SHROOM3: variants seen among roughly 807,000 people sequenced by gnomAD.
SHROOM3 encodes the protein protein Shroom3.
A neutral mutation model predicts 138.6 loss-of-function variants in SHROOM3; 47 were observed. The observed-to-expected ratio is 0.34, with a 90% CI of 0.27 to 0.43. SHROOM3 has a LOEUF of 0.43. Ranked by LOEUF, SHROOM3 falls within the 20% of genes least tolerant of loss-of-function variation. SHROOM3 has a pLI of 1.00. For missense variants in SHROOM3, 2,491 were observed against 2,596.5 expected (o/e 0.96, Z 0.88); for synonymous variants, 1,062 against 1,063.3 (o/e 1.00, Z 0.02).
chr4:76,740,937 C>T lies in SHROOM3; in HGVS notation c.2764C>T (p.Arg922Cys), dbSNP rs759937093. Residue 922 changes from arginine (R) to cysteine (C), a missense_variant, in exon 5 of 11, where the codon CGC (arginine) becomes TGC (cysteine). Arg to Cys is a radical substitution (Grantham distance 180). This residue lies in a region of SHROOM3 where 1,733 missense variants were observed against 1,661.6 expected (regional missense o/e 1.04). Transcript: ENST00000296043. The surrounding 1 kb of genome is among the most constrained non-coding windows in gnomAD (Gnocchi z 4.0). ...ESPLLDAPFS[R>C]AYRNSIKDAQ... ...GCCCCTGCTGGATGCCCCCTTCAGC[C>T]GCGCCTACCGGAACAGCATCAAGGA... 11 of 1,496,212 alleles carry T rather than the reference C, an allele frequency of 7.4e-6. No individual in the cohort carries two copies. Among genetic ancestry groups the T allele is most frequent in the Non-Finnish European group, 9.8e-6 (11 of 1,125,806 alleles). The allele number at this position is 1,496,212 out of a possible 1,614,324, so 92.7% of individuals were successfully genotyped here. A position where few individuals can be genotyped will look rare whatever the true frequency, so the allele number is the denominator to read the frequency against.
intron 2 of SHROOM3, among the ~76,000 whole-genome samples, chr4:76,646,247 T>TATATAA (rs1355216659): frequency 1.4e-5 from 2 of 140,776 alleles, no homozygotes; most frequent in East Asian, 2.0e-4. Context: ...TATATATATA[T>TATATAA]AAAATTAAAA....
intron 1 of SHROOM3, among the ~76,000 whole-genome samples, chr4:76,531,276 T>TA (rs1732823375): frequency 6.6e-6 from 1 of 152,006 alleles, no homozygotes; most frequent in Non-Finnish European, 1.5e-5. Flanking sequence ...ACTCTCCAAA[T>TA]AAAAAAATAT....
chr4:76,495,047 G>A (rs986183044), intron 1 of SHROOM3, among the ~76,000 whole-genome samples: 3 of 152,228 alleles, frequency 2.0e-5, no homozygotes, highest in Non-Finnish European at 4.4e-5. Flanking sequence ...CCATCTGGGA[G>A]CTTACAAAAT....
At chr4:76,558,510 C>T (rs1733532975) in intron 2 of SHROOM3, among the ~76,000 whole-genome samples, 1 of 152,088 alleles carries the variant, frequency 6.6e-6, no homozygotes, top group African/African-American at 2.4e-5. Flanking sequence ...CTGGAGGCCC[C>T]CCCTTTCATT....
At chr4:76,637,783 A>AC (rs1266384981) in intron 2 of SHROOM3, 1 of 152,176 alleles carries the variant, frequency 6.6e-6, no homozygotes, top group Non-Finnish European at 1.5e-5. Flanking sequence ...CACCCTCATC[A>AC]CTAGGCCTGG....
rs939450391 is a variant in SHROOM3 at position 76,646,183 on chromosome 4, A to G, written c.324-63973A>G. The stretch of plus-strand genomic sequence containing the variant: ...ATGTATACATATGTAACAAACCTGC[A>G]TGTTGTGCACATGTACCCTAGAACT... On this transcript the variant is annotated intron_variant, in intron 2 of 10. Coordinates refer to ENST00000296043, the MANE Select transcript of SHROOM3 (RefSeq NM_020859.4). Among the ~76,000 whole-genome samples, 5 of 145,376 alleles carry G rather than the reference A, an allele frequency of 3.4e-5. 1 individual carries two copies. In the Admixed American group the frequency reaches 3.5e-4, roughly 10 times the overall value.
chr4:76,690,328 G>C (rs1407450568), intron 2 of SHROOM3, among the ~76,000 whole-genome samples: 1 of 152,168 alleles, frequency 6.6e-6, no homozygotes, highest in Non-Finnish European at 1.5e-5. Context: ...CTGGGGGTGG[G>C]ATGTATTTCT....
chr4:76,657,612 T>C (rs766270747), intron 2 of SHROOM3, among the ~76,000 whole-genome samples: 4 of 152,212 alleles, frequency 2.6e-5, no homozygotes, highest in Non-Finnish European at 5.9e-5. Flanking sequence ...TCCCAAATAG[T>C]GAGGGTGCTG....
At chr4:76,594,922 C>T (rs955856791) in intron 2 of SHROOM3, among the ~76,000 whole-genome samples, 1 of 152,146 alleles carries the variant, frequency 6.6e-6, no homozygotes, top group Non-Finnish European at 1.5e-5. Context: ...ATGAAGATAT[C>T]AAGATATGAA....
At chr4:76,469,200 CA>C (rs1017600748) in intron 1 of SHROOM3, among the ~76,000 whole-genome samples, 21 of 145,610 alleles carry the variant, frequency 1.4e-4, no homozygotes, top group African/African-American at 3.0e-4. Context: ...GACTCCATCT[CA>C]AAAAAAAAAG....
intron 2 of SHROOM3, among the ~76,000 whole-genome samples, chr4:76,661,299 C>T (rs1397501278): frequency 2.0e-5 from 3 of 151,642 alleles, no homozygotes; most frequent in East Asian, 1.9e-4. Context: ...GGCGCGATCT[C>T]GGCTCACACA....
intron 1 of SHROOM3, among the ~76,000 whole-genome samples, chr4:76,542,056 AG>A (rs1733116459): frequency 6.6e-6 from 1 of 152,072 alleles, no homozygotes; most frequent in Non-Finnish European, 1.5e-5. Context: ...GAGGAGGAGG[AG>A]GAGGATGGTG....
At chr4:76,723,985 G>T (rs762889338) in intron 3 of SHROOM3, among the ~76,000 whole-genome samples, 1 of 152,182 alleles carries the variant, frequency 6.6e-6, no homozygotes, top group Non-Finnish European at 1.5e-5. Flanking sequence ...ATTTAACAAG[G>T]TTGAAGGCAC....
intron 2 of SHROOM3, among the ~76,000 whole-genome samples, chr4:76,641,328 T>G (rs1735662215): frequency 6.6e-6 from 1 of 152,148 alleles, no homozygotes; most frequent in Non-Finnish European, 1.5e-5. Flanking sequence ...ATCTTCTCCC[T>G]GCTCATCCTC....
chr4:76,544,981 A>G (rs1210288966), intron 1 of SHROOM3, among the ~76,000 whole-genome samples: 1 of 152,178 alleles, frequency 6.6e-6, no homozygotes, highest in African/African-American at 2.4e-5. Flanking sequence ...CTAGATAGAG[A>G]ATGAGAATCC....
At chr4:76,514,325 A>G (rs1242196073) in intron 1 of SHROOM3, among the ~76,000 whole-genome samples, 1 of 152,222 alleles carries the variant, frequency 6.6e-6, no homozygotes, top group Non-Finnish European at 1.5e-5. Context: ...AGCCATAAAA[A>G]AGAATGATGT....
At chr4:76,567,144 T>C (rs1276872464) in intron 2 of SHROOM3, among the ~76,000 whole-genome samples, 23 of 152,250 alleles carry the variant, frequency 1.5e-4, no homozygotes. Context: ...AAATTATACA[T>C]GTGGGGACAG....
At chr4:76,700,780 T>C (rs1395643380) in intron 2 of SHROOM3, among the ~76,000 whole-genome samples, 3 of 151,754 alleles carry the variant, frequency 2.0e-5, no homozygotes, top group Admixed American at 6.6e-5. Context: ...TTCTTTCTTT[T>C]ATTTATTTAT....
intron 3 of SHROOM3, among the ~76,000 whole-genome samples, chr4:76,723,917 TC>T (rs1455625278): frequency 6.6e-6 from 1 of 152,212 alleles, no homozygotes. Context: ...CATCTGAGCC[TC>T]CCCAGCAAGA....
Sources: gnomAD v4.1 joint callset for allele counts (sites outside exome capture counted in the v4.1 genomes callset) on GRCh38, gnomAD v4.1.1 for gene constraint, gnomAD v4.1.1 regional missense constraint, Gnocchi (gnomAD v3.1) non-coding constraint, MANE v1.5 for transcripts, NCBI Gene and HGNC (gene_info 2026-07-23, HGNC 2026-07-21) for gene names.